VAV3: variants seen among roughly 807,000 people sequenced by gnomAD.
VAV3 encodes guanine nucleotide exchange factor VAV3.
VAV3 carries 94 observed loss-of-function variants against 131.2 expected under a neutral mutation model. The ratio of observed to expected loss-of-function variants is 0.72; its 90% CI spans 0.61 to 0.85. VAV3 has a LOEUF of 0.85. VAV3 is among the 40% of genes least tolerant of loss of function. The probability of loss-of-function intolerance (pLI) is 0.00; values close to 1 mark genes in which losing one functional copy is unlikely to be tolerated. For missense variants in VAV3, 939 were observed against 1,002.7 expected (o/e 0.94, Z 0.86); for synonymous variants, 349 against 342.0 (o/e 1.02, Z -0.22).
intron 2 of VAV3, among the ~76,000 whole-genome samples, chr1:107,872,504 A>G (rs1670298531): frequency 6.6e-6 from 1 of 152,174 alleles, no homozygotes; most frequent in South Asian, 2.1e-4. Flanking sequence ...TCCTGTTAAA[A>G]TGTATATATT....
At chr1:107,820,332 C>T (rs554471477) in intron 2 of VAV3, among the ~76,000 whole-genome samples, 1 of 152,092 alleles carries the variant, frequency 6.6e-6, no homozygotes, top group East Asian at 1.9e-4. Context: ...AACTGGAGGA[C>T]ATTATGCTAA....
chr1:107,642,700 C>G lies in VAV3; in HGVS notation c.1833G>C (p.Leu611=). Residue 611 remains leucine, a synonymous_variant, in exon 20 of 27, where the codon CTG becomes CTC. Transcript: ENST00000370056. The part of the protein sequence containing the change: ...RNYSGTPPPA[L]HEGPPLQLQA... Reference sequence around the variant, plus strand: ...GGAGCTGTAAAGGGGGTCCTTCATGCAGAGCTGGGGGTGGTGTTCCAGAAT... The same window carrying G: ...GGAGCTGTAAAGGGGGTCCTTCATGGAGAGCTGGGGGTGGTGTTCCAGAAT... 6.2e-7 allele frequency: 1 copy of G among 1,613,274 alleles called. No individual in the cohort carries two copies. Among genetic ancestry groups the G allele is most frequent in the Non-Finnish European group, 8.5e-7 (1 of 1,179,602 alleles).
intron 1 of VAV3, among the ~76,000 whole-genome samples, chr1:107,953,705 C>A (rs1188605494): frequency 6.6e-6 from 1 of 152,042 alleles, no homozygotes; most frequent in Non-Finnish European, 1.5e-5. Flanking sequence ...CTTAAGTGTT[C>A]CCATTAAACC....
At chr1:107,920,864 A>G (rs889901029) in intron 1 of VAV3, among the ~76,000 whole-genome samples, 10 of 152,190 alleles carry the variant, frequency 6.6e-5, no homozygotes, top group Admixed American at 3.9e-4. Flanking sequence ...GTAGCTTTTA[A>G]GCTAGCTGAG....
In VAV3 at chr1:107,748,712, T is replaced by C. The variant is rs376921887; in HGVS notation, c.1502+256A>G. ...GAGAGCTAAAGAACTAAAACATGCC[T>C]ATAAGAAAGTCAAACAGAAGATTAG... is the stretch of plus-strand genomic sequence containing the variant. On this transcript the variant is annotated intron_variant, in intron 15 of 26. Transcript: ENST00000370056. 4.3e-3 allele frequency among the ~76,000 whole-genome samples: 654 copies of C among 152,294 alleles called. 5 individuals carry two copies. The highest frequency in any genetic ancestry group is 7.1e-3 in the Non-Finnish European group (484 of 68,020).
chr1:107,730,504 A>G (rs540580605), intron 15 of VAV3, among the ~76,000 whole-genome samples: 36 of 152,330 alleles, frequency 2.4e-4, no homozygotes, highest in Non-Finnish European at 4.4e-4. Context: ...CATTAATCAT[A>G]TAAGGCTCAA....
At chr1:107,900,068 CT>C (rs1671781808) in intron 1 of VAV3, among the ~76,000 whole-genome samples, 1 of 152,138 alleles carries the variant, frequency 6.6e-6, no homozygotes, top group Non-Finnish European at 1.5e-5. Flanking sequence ...TTCTTCTTCA[CT>C]TTTCAAGGAA....
At chr1:107,838,693 G>C (rs1329327827) in intron 2 of VAV3, among the ~76,000 whole-genome samples, 1 of 152,164 alleles carries the variant, frequency 6.6e-6, no homozygotes, top group African/African-American at 2.4e-5. Context: ...GCAAAGACAT[G>C]AAATCAACCC....
At chr1:107,630,490 AGAGT>A (rs1280004637) in intron 20 of VAV3, among the ~76,000 whole-genome samples, 2 of 152,156 alleles carry the variant, frequency 1.3e-5, no homozygotes, top group Non-Finnish European at 2.9e-5. Context: ...GGCCCACTTC[AGAGT>A]AAGTAATCTA....
intron 2 of VAV3, among the ~76,000 whole-genome samples, chr1:107,811,253 G>T (rs1667302973): frequency 6.6e-6 from 1 of 152,174 alleles, no homozygotes; most frequent in South Asian, 2.1e-4. Context: ...CACCTCAAGT[G>T]ATGCCTACAG....
chr1:107,704,714 T>C (rs1660338162), intron 16 of VAV3, 64 bp from the exon 17 acceptor site: 5 of 1,355,020 alleles, frequency 3.7e-6, no homozygotes, highest in South Asian at 1.2e-5. Context: ...ATGAAATTAC[T>C]GCAAGAAGAA....
At chr1:107,884,617 T>G (rs919172198) in intron 1 of VAV3, among the ~76,000 whole-genome samples, 7 of 151,522 alleles carry the variant, frequency 4.6e-5, no homozygotes, top group Non-Finnish European at 1.0e-4. Flanking sequence ...CACAAATTTA[T>G]TTTTTATTTT....
chr1:107,696,030 TTTAA>T (rs1659721957), intron 17 of VAV3, among the ~76,000 whole-genome samples: 4 of 152,312 alleles, frequency 2.6e-5, no homozygotes, highest in South Asian at 4.1e-4. Context: ...TTTTATTATC[TTTAA>T]TTGACACATT....
chr1:107,612,199 A>AT (rs1349243670), intron 21 of VAV3, among the ~76,000 whole-genome samples: 8 of 141,176 alleles, frequency 5.7e-5, no homozygotes, highest in East Asian at 4.2e-4. Flanking sequence ...TATATATATA[A>AT]ATAAATATAT....
In VAV3 at chr1:107,642,726, A is replaced by G. The variant is rs374251192; in HGVS notation, c.1807T>C (p.Tyr603His). 9 of 1,613,360 alleles carry G rather than the reference A, an allele frequency of 5.6e-6. No homozygotes were observed. In the African/African-American group the frequency reaches 1.2e-4, roughly 22 times the overall value. ...GLPKMQVIRN[Y>H]SGTPPPALHE... ...AGAGCTGGGGGTGGTGTTCCAGAAT[A>G]GTTCCTAATGACCTGCATCTTTGGT... The change falls in exon 20 of 27, where the codon TAT becomes CAT. Residue 603 changes from tyrosine (Y) to histidine (H), a missense_variant. Physicochemically the swap from Tyr to His is moderately conservative, Grantham distance 83 (BLOSUM62 2). Coordinates refer to ENST00000370056, the MANE Select transcript of VAV3 (RefSeq NM_006113.5).
chr1:107,685,175 A>C (rs1658928977), intron 18 of VAV3, among the ~76,000 whole-genome samples: 1 of 152,128 alleles, frequency 6.6e-6, no homozygotes, highest in Non-Finnish European at 1.5e-5. Flanking sequence ...TTCAAGAGCA[A>C]CTCTGTGTTC....
At chr1:107,639,372 C>A (rs1655165788) in intron 20 of VAV3, among the ~76,000 whole-genome samples, 1 of 136,836 alleles carries the variant, frequency 7.3e-6, no homozygotes, top group African/African-American at 2.5e-5. Context: ...ATAACATTAT[C>A]AAGAGAATAA....
chr1:107,843,694 G>C (rs985900499), intron 2 of VAV3, among the ~76,000 whole-genome samples: 1 of 151,954 alleles, frequency 6.6e-6, no homozygotes, highest in Non-Finnish European at 1.5e-5. Context: ...CACACTGTCT[G>C]CACCAAGTTT....
At chr1:107,697,218 A>T (rs1258930387) in intron 17 of VAV3, among the ~76,000 whole-genome samples, 1 of 152,122 alleles carries the variant, frequency 6.6e-6, no homozygotes, top group Non-Finnish European at 1.5e-5. Flanking sequence ...CCCCCTAAAG[A>T]CATTGCCCCT....
Sources: allele counts gnomAD v4.1 joint callset (sites outside exome capture counted in the v4.1 genomes callset), GRCh38; gene constraint gnomAD v4.1.1; transcripts MANE v1.5; gene names NCBI Gene and HGNC (gene_info 2026-07-23, HGNC 2026-07-21).